GNG10: variants seen among roughly 807,000 people sequenced by gnomAD.
GNG10 encodes G protein subunit gamma 10, also known as guanine nucleotide-binding protein G(I)/G(S)/G(O) subunit gamma-10.
GNG10 carries 7 observed loss-of-function variants against 6.8 expected under a neutral mutation model. The observed-to-expected ratio is 1.02, with a 90% CI of 0.58 to 1.92. The LOEUF (loss-of-function observed/expected upper bound fraction) is 1.92. Ranked by LOEUF, GNG10 falls within the 30% of genes most tolerant of loss-of-function variation. GNG10 has a pLI of 0.00. For missense variants in GNG10, 57 were observed against 86.1 expected, an observed-to-expected ratio of 0.66 and a Z score of 1.34; for synonymous variants, 28 against 34.8, an observed-to-expected ratio of 0.80 and a Z score of 0.69.
At position 111,661,997 on chromosome 9, in the gene GNG10, G is replaced by T. The variant is rs554599157; in HGVS notation, c.81+282G>T. Among the ~76,000 whole-genome samples, 40 of 152,226 alleles carry T rather than the reference G, an allele frequency of 2.6e-4. No homozygotes were observed. In the East Asian group the frequency reaches 7.6e-3, roughly 29 times the overall value. ...AGGCGGCCGTGGTCAGTTCCTCGGA[G>T]GGCGCAAGGGATGCCGGCGACGCGC... On this transcript the variant is annotated intron_variant, in intron 1 of 2. Transcript: ENST00000374293. This position sits in a 1 kb window ranked among gnomAD's most constrained non-coding sequence, Gnocchi z 6.1.
At chr9:111,668,058 A>G (rs923674038) in intron 2 of GNG10, among the ~76,000 whole-genome samples, 2 of 152,126 alleles carry the variant, frequency 1.3e-5, no homozygotes, top group South Asian at 2.1e-4. Flanking sequence ...GGGTTTCACC[A>G]TGTTGGCTAG....
intron 2 of GNG10, 113 bp downstream of exon 2, chr9:111,667,059 A>G: frequency 1.4e-6 from 2 of 1,477,794 alleles, no homozygotes; most frequent in East Asian, 4.7e-5. Flanking sequence ...AATTAAAACA[A>G]GAGCCAGCAA....
chr9:111,668,877 G>A (rs1363830270), intron 2 of GNG10, among the ~76,000 whole-genome samples: 1 of 151,340 alleles, frequency 6.6e-6, no homozygotes, highest in Non-Finnish European at 1.5e-5. Context: ...TTTTGTTTGA[G>A]ACGGAGTTTT....
At chr9:111,662,724 T>C (rs1830842129) in intron 1 of GNG10, among the ~76,000 whole-genome samples, 1 of 152,110 alleles carries the variant, frequency 6.6e-6, no homozygotes. Context: ...AACGGATACA[T>C]AGCATCGCTT....
chr9:111,662,625 G>C (rs1830840143), intron 1 of GNG10, among the ~76,000 whole-genome samples: 1 of 152,228 alleles, frequency 6.6e-6, no homozygotes, highest in Non-Finnish European at 1.5e-5. Flanking sequence ...AACCAGGATA[G>C]TCCCTGTGCC....
At chr9:111,665,424 C>T (rs934059680) in intron 1 of GNG10, among the ~76,000 whole-genome samples, 1 of 152,210 alleles carries the variant, frequency 6.6e-6, no homozygotes, top group African/African-American at 2.4e-5. Flanking sequence ...TACAGTTCTG[C>T]TGATCTTCTG....
In GNG10 at chr9:111,661,781, G is replaced by C; in HGVS notation, c.81+66G>C. 1.0e-6 allele frequency: 1 copy of C among 977,456 alleles called. No individual in the cohort carries two copies. Among genetic ancestry groups the C allele is most frequent in the South Asian group, 3.5e-5 (1 of 28,392 alleles). The allele number at this position is 977,456 out of a possible 1,614,324, so 60.5% of individuals were successfully genotyped here. The stretch of plus-strand genomic sequence containing the variant: ...CGGGGCGTGAGAAGAGGAGGCCGGC[G>C]GCCCGGACCGGGCGCCAGCGGGGGA... On this transcript the variant is annotated intron_variant, in intron 1 of 2. Coordinates refer to ENST00000374293, the MANE Select transcript of GNG10 (RefSeq NM_001017998.4). The surrounding 1 kb of genome is among the most constrained non-coding windows in gnomAD (Gnocchi z 6.1).
intron 2 of GNG10, among the ~76,000 whole-genome samples, 197 bp downstream of exon 2, chr9:111,667,143 G>A (rs1043273666): frequency 2.6e-5 from 4 of 152,204 alleles, no homozygotes; most frequent in African/African-American, 4.8e-5. Context: ...AATCAGGACA[G>A]TCTGAAGTCT....
chr9:111,668,607 C>T (rs77028918), intron 2 of GNG10, among the ~76,000 whole-genome samples: 4,494 of 152,122 alleles, frequency 0.03, 209 homozygotes, highest in African/African-American at 0.092. Flanking sequence ...GCCTCAGTCT[C>T]CCGAGTAGGT....
intron 2 of GNG10, among the ~76,000 whole-genome samples, 157 bp downstream of exon 2, chr9:111,667,103 GTA>G (rs1293512240): frequency 6.6e-6 from 1 of 152,180 alleles, no homozygotes; most frequent in Non-Finnish European, 1.5e-5. Context: ...TGATTCTAGT[GTA>G]TATTTACCTT....
chr9:111,666,284 T>C (rs1256071626), intron 1 of GNG10, among the ~76,000 whole-genome samples: 3 of 152,160 alleles, frequency 2.0e-5, no homozygotes, highest in South Asian at 4.1e-4. Context: ...CAAGGTTATA[T>C]AGGTAGTGGC....
At chr9:111,666,424 T>C (rs1830899817) in intron 1 of GNG10, among the ~76,000 whole-genome samples, 1 of 152,184 alleles carries the variant, frequency 6.6e-6, no homozygotes, top group Admixed American at 6.5e-5. Context: ...GGCTTCAGAC[T>C]TGTAAACATT....
At chr9:111,665,032 G>A (rs1227479075) in intron 1 of GNG10, among the ~76,000 whole-genome samples, 2 of 152,128 alleles carry the variant, frequency 1.3e-5, no homozygotes, top group African/African-American at 2.4e-5. Context: ...ATAATATGGA[G>A]TAAACTGTCA....
At chr9:111,665,795 C>T (rs748624261) in intron 1 of GNG10, among the ~76,000 whole-genome samples, 1 of 151,796 alleles carries the variant, frequency 6.6e-6, no homozygotes, top group Non-Finnish European at 1.5e-5. Flanking sequence ...GGTGCGATCT[C>T]GGCTCACTGA....
chr9:111,663,009 G>C (rs560997883), intron 1 of GNG10, among the ~76,000 whole-genome samples: 1 of 152,168 alleles, frequency 6.6e-6, no homozygotes, highest in African/African-American at 2.4e-5. Flanking sequence ...ATTGCTGGTA[G>C]AGGAGACAGG....
In GNG10 at chr9:111,663,032, T is replaced by C. The variant is rs552212261; in HGVS notation, c.81+1317T>C. On this transcript the variant is annotated intron_variant, in intron 1 of 2. Coordinates refer to ENST00000374293, the MANE Select transcript of GNG10 (RefSeq NM_001017998.4). ...TAGAGGAGACAGGGCTACGGGGGGG[T>C]GGGGGATTGGTGGCACAGCTTCTGA... 4.1e-3 allele frequency among the ~76,000 whole-genome samples: 582 copies of C among 143,008 alleles called. 6 individuals are homozygous for C. The highest frequency in any genetic ancestry group is 0.015 in the African/African-American group (562 of 38,706). 93.8% of individuals were successfully genotyped at this position (143,008 alleles called of 152,430 possible).
rs1338654475 is a variant in GNG10, at chr9:111,664,916, C to A, written c.82-1899C>A. Among the ~76,000 whole-genome samples, 3 of 152,196 alleles carry A rather than the reference C, an allele frequency of 2.0e-5. No individual in the cohort carries two copies. The East Asian group carries it at 5.8e-4, about 29-fold the overall frequency. ...TGAATTAATAACTGGTATATATAAC[C>A]ATTAATTCCAATTATAATTCACATG... On this transcript the variant is annotated intron_variant, in intron 1 of 2. Transcript: ENST00000374293.
intron 1 of GNG10, among the ~76,000 whole-genome samples, chr9:111,665,478 TTGGCTGGTGTCTGGGTGATTGAGAA>T (rs1012914802): frequency 8.5e-5 from 13 of 152,276 alleles, no homozygotes; most frequent in African/African-American, 3.1e-4. Flanking sequence ...TTAACTGGTG[TTGGCTGGTGTCTGGGTGATTGAGAA>T]TGGCCTCACT....
chr9:111,663,821 CTTT>C (rs5899961), intron 1 of GNG10, among the ~76,000 whole-genome samples: 2 of 144,790 alleles, frequency 1.4e-5, no homozygotes, highest in Admixed American at 6.8e-5. Flanking sequence ...GAAAGATATT[CTTT>C]TTTTTTTTTT....
Sources: gnomAD v4.1 joint callset for allele counts (sites outside exome capture counted in the v4.1 genomes callset) on GRCh38, gnomAD v4.1.1 for gene constraint, Gnocchi (gnomAD v3.1) non-coding constraint, MANE v1.5 for transcripts, NCBI Gene and HGNC (gene_info 2026-07-23, HGNC 2026-07-21) for gene names.